USP32: variants seen among roughly 807,000 people sequenced by gnomAD.
USP32 encodes ubiquitin specific peptidase 32, also known as ubiquitin carboxyl-terminal hydrolase 32.
USP32 carries 59 observed loss-of-function variants against 204.8 expected under a neutral mutation model. The observed-to-expected ratio is 0.29, with a 90% CI of 0.23 to 0.36. The LOEUF is 0.36. USP32 is among the 10% of genes least tolerant of loss of function. USP32 has a pLI of 1.00. For missense variants in USP32, 1,160 were observed against 1,946.4 expected (o/e 0.60, Z 7.60); for synonymous variants, 517 against 678.4 (o/e 0.76, Z 3.70).
At chr17:60,404,895 G>A (rs1037113567) in intron 1 of USP32, among the ~76,000 whole-genome samples, 1 of 152,120 alleles carries the variant, frequency 6.6e-6, no homozygotes, top group African/African-American at 2.4e-5. Context: ...AAGCTGTTTG[G>A]GTGGGTGCGA....
intron 28 of USP32, 26 bp downstream of exon 28, chr17:60,192,818 A>G: frequency 6.2e-7 from 1 of 1,610,326 alleles, no homozygotes. Flanking sequence ...ATTCTACTAA[A>G]GTAATTCTTT....
chr17:60,284,394 T>A (rs993083953), intron 5 of USP32, among the ~76,000 whole-genome samples: 5 of 151,578 alleles, frequency 3.3e-5, no homozygotes, highest in African/African-American at 4.8e-5. Context: ...TTGTATTTTT[T>A]TTTTTTAGTA....
At chr17:60,402,754 C>T (rs991058743) in intron 1 of USP32, among the ~76,000 whole-genome samples, 1 of 152,152 alleles carries the variant, frequency 6.6e-6, no homozygotes, top group Non-Finnish European at 1.5e-5. Flanking sequence ...GAGCAAAGCT[C>T]AATGGGGAGA....
upstream of USP32, chr17:60,392,575 A>C: frequency 2.3e-6 from 1 of 436,184 alleles, no homozygotes; most frequent in Non-Finnish European, 4.6e-6. Flanking sequence ...CCTAACATGG[A>C]AGACCGCAGA....
At chr17:60,385,365 A>C (rs1046370404) in intron 1 of USP32, among the ~76,000 whole-genome samples, 8 of 152,154 alleles carry the variant, frequency 5.3e-5, no homozygotes, top group African/African-American at 1.2e-4. Context: ...TGCTCACACA[A>C]AGTCTGTTTG....
chr17:60,273,621 A>G (rs2086772217), intron 5 of USP32, among the ~76,000 whole-genome samples: 1 of 152,192 alleles, frequency 6.6e-6, no homozygotes, highest in African/African-American at 2.4e-5. Context: ...CAAAGAAAAC[A>G]TGAAAGTAGT....
intron 1 of USP32, among the ~76,000 whole-genome samples, chr17:60,383,507 C>T (rs1481159524): frequency 2.0e-5 from 3 of 152,136 alleles, no homozygotes; most frequent in South Asian, 2.1e-4. Context: ...TGACAATAAA[C>T]GTGATAATTA....
chr17:60,403,451 A>G (rs889380386), intron 1 of USP32, among the ~76,000 whole-genome samples: 1 of 152,202 alleles, frequency 6.6e-6, no homozygotes, highest in Non-Finnish European at 1.5e-5. Flanking sequence ...GTCATGCCAC[A>G]GTCTGCCCTC....
At chr17:60,417,401 C>A (rs1376756062) in intron 1 of USP32, among the ~76,000 whole-genome samples, 1 of 152,038 alleles carries the variant, frequency 6.6e-6, no homozygotes, top group Non-Finnish European at 1.5e-5. Flanking sequence ...TTGCCTTGGC[C>A]TCCCAAAGTG....
chr17:60,229,385 A>G (rs1177871292), intron 12 of USP32, among the ~76,000 whole-genome samples: 3 of 152,204 alleles, frequency 2.0e-5, no homozygotes, highest in Non-Finnish European at 4.4e-5. Flanking sequence ...CTCACTACAT[A>G]TGCAGCCAGA....
chr17:60,411,027 T>G (rs757645913), intron 1 of USP32, among the ~76,000 whole-genome samples: 21 of 146,114 alleles, frequency 1.4e-4, no homozygotes, highest in Non-Finnish European at 2.7e-4. Context: ...AAAAAAAAAG[T>G]TTTTAAAGTT....
chr17:60,350,093 AC>A (rs2088913984), intron 1 of USP32, among the ~76,000 whole-genome samples: 1 of 151,700 alleles, frequency 6.6e-6, no homozygotes, highest in Non-Finnish European at 1.5e-5. Flanking sequence ...AGCCACTGCA[AC>A]CTCTGCCTCC....
At position 60,214,586 on chromosome 17, in the gene USP32, A is replaced by G. The variant is rs745898376; in HGVS notation, c.2022+34T>C. Reference sequence around the variant, plus strand: ...ATTTAAAATTAAACAAATACCAACAATCAGACTCTCTATGACTCTGAGATG... The same window carrying G: ...ATTTAAAATTAAACAAATACCAACAGTCAGACTCTCTATGACTCTGAGATG... On this transcript the variant is annotated intron_variant, in intron 17 of 33. Coordinates refer to ENST00000300896, the MANE Select transcript of USP32 (RefSeq NM_032582.4). 6.9e-6 allele frequency: 11 copies of G among 1,588,208 alleles called. No homozygotes were observed. In the East Asian group the frequency reaches 1.6e-4, roughly 23 times the overall value.
chr17:60,268,610 T>C (rs1408066076), intron 7 of USP32, among the ~76,000 whole-genome samples: 2 of 150,972 alleles, frequency 1.3e-5, no homozygotes, highest in Non-Finnish European at 1.5e-5. Flanking sequence ...AAAAAAGATT[T>C]TAGCTTCCTC....
At chr17:60,350,006 T>C (rs1408369228) in intron 1 of USP32, among the ~76,000 whole-genome samples, 1 of 151,022 alleles carries the variant, frequency 6.6e-6, no homozygotes, top group East Asian at 1.9e-4. Flanking sequence ...TTCGTTGTTG[T>C]TGGTTTTTGT....
intron 13 of USP32, among the ~76,000 whole-genome samples, chr17:60,225,475 T>C (rs1354447763): frequency 3.3e-5 from 5 of 151,974 alleles, no homozygotes; most frequent in Admixed American, 2.0e-4. Context: ...ATAGTGAAAA[T>C]ATTTCCATAT....
intron 11 of USP32, among the ~76,000 whole-genome samples, chr17:60,246,351 T>C (rs916502572): frequency 3.3e-5 from 5 of 152,090 alleles, no homozygotes; most frequent in East Asian, 1.9e-4. Flanking sequence ...GATGACAGGA[T>C]TGCATTCATT....
chr17:60,407,112 A>G (rs576137464), intron 1 of USP32, among the ~76,000 whole-genome samples: 1 of 152,276 alleles, frequency 6.6e-6, no homozygotes, highest in East Asian at 1.9e-4. Context: ...TAGGGGTGCA[A>G]TCTGGATCAT....
intron 29 of USP32, 27 bp downstream of exon 29, chr17:60,190,536 C>G: frequency 1.2e-5 from 18 of 1,515,732 alleles, no homozygotes; most frequent in Non-Finnish European, 1.6e-5. Flanking sequence ...TAAAAACCAC[C>G]ATTTTATGGT....
Sources: gnomAD v4.1 joint callset for allele counts (sites outside exome capture counted in the v4.1 genomes callset) on GRCh38, gnomAD v4.1.1 for gene constraint, MANE v1.5 for transcripts, NCBI Gene and HGNC (gene_info 2026-07-23, HGNC 2026-07-21) for gene names.